Variants in ADCY10 observed in about 807,000 individuals in gnomAD.
The protein encoded by ADCY10 is adenylate cyclase type 10.
In ADCY10, 156 loss-of-function variants were observed where a neutral mutation model predicts 183.3. That is an observed-to-expected ratio of 0.85 (90% CI 0.75 to 0.97). The LOEUF (loss-of-function observed/expected upper bound fraction) is 0.97. Among genes scored for constraint, ADCY10 ranks in the 50% least tolerant of loss-of-function variants. The pLI, the probability that ADCY10 is intolerant of heterozygous loss-of-function variation, is 0.00. For synonymous variants in ADCY10, 645 were observed against 670.0 expected (o/e 0.96, Z 0.58); for missense variants, 1,745 against 1,934.3 (o/e 0.90, Z 1.84).
chr1:167,904,153 T>C (rs2102440620), intron 2 of ADCY10, among the ~76,000 whole-genome samples, 162 bp from the exon 3 acceptor site: 1 of 149,104 alleles, frequency 6.7e-6, no homozygotes, highest in East Asian at 2.0e-4. Context: ...AATGGTGTGA[T>C]CTCAGCTCAC....
chr1:167,882,508 C>T (rs1254812011), intron 9 of ADCY10, among the ~76,000 whole-genome samples: 2 of 127,918 alleles, frequency 1.6e-5, no homozygotes, highest in Non-Finnish European at 3.4e-5. Context: ...AAAAAAAGAA[C>T]AGAGCGAAAA....
intron 13 of ADCY10, 82 bp from the exon 14 acceptor site, chr1:167,870,492 C>T: frequency 7.8e-7 from 1 of 1,274,666 alleles, no homozygotes; most frequent in Non-Finnish European, 1.1e-6. Flanking sequence ...TAGAAACCCT[C>T]CTTCTAAAAA....
At chr1:167,904,343 C>T (rs1669672851) in intron 2 of ADCY10, among the ~76,000 whole-genome samples, 2 of 152,102 alleles carry the variant, frequency 1.3e-5, no homozygotes, top group Admixed American at 6.6e-5. Flanking sequence ...TCCTCGGCCT[C>T]CAAAAGTGTT....
rs548840962 is a variant in ADCY10 at position 167,809,583 on chromosome 1, A to T, written c.*95T>A. 7 of 1,304,056 alleles carry T rather than the reference A, an allele frequency of 5.4e-6. No homozygotes were observed. Among genetic ancestry groups the T allele is most frequent in the Non-Finnish European group, 7.8e-6 (7 of 901,656 alleles). 80.8% of individuals were successfully genotyped at this position (1,304,056 alleles called of 1,614,324 possible). ...TTCTGTGTCTGGAACAGAAGAGATTATGTAGGAACCTGGAGTGGGCCAGCC... is the reference window on the plus strand; with the variant it reads ...TTCTGTGTCTGGAACAGAAGAGATTTTGTAGGAACCTGGAGTGGGCCAGCC... On this transcript the variant is annotated 3_prime_UTR_variant, in exon 33 of 33. Transcript: ENST00000367851.
intron 17 of ADCY10, among the ~76,000 whole-genome samples, chr1:167,855,294 T>C (rs1571313920): frequency 2.6e-5 from 4 of 152,066 alleles, no homozygotes; most frequent in South Asian, 4.1e-4. Context: ...CACTCCAGCC[T>C]GGGCAATGAG....
Position 167,899,984 on chromosome 1 carries a change from G to A in ADCY10, c.437-356C>T, listed in dbSNP as rs933818885. On this transcript the variant is annotated intron_variant, in intron 5 of 32. Coordinates refer to ENST00000367851, the MANE Select transcript of ADCY10 (RefSeq NM_018417.6). The stretch of plus-strand genomic sequence containing the variant: ...TTATTTTGGGAGAATTTGCATTTTA[G>A]CAGAGATTGAAGCTGTAACTAAAAA... Among the ~76,000 whole-genome samples, 4 of 152,264 alleles carry A rather than the reference G, an allele frequency of 2.6e-5. No individual in the cohort carries two copies. The South Asian group carries it at 8.3e-4, about 32-fold the overall frequency.
chr1:167,873,074 GA>G (rs569005656), intron 13 of ADCY10, among the ~76,000 whole-genome samples: 6 of 145,824 alleles, frequency 4.1e-5, no homozygotes, highest in Non-Finnish European at 6.1e-5. Flanking sequence ...TGTCTCAAAA[GA>G]AAAAAAAAAG....
At chr1:167,832,485 C>T (rs375887117) in intron 25 of ADCY10, among the ~76,000 whole-genome samples, 3 of 152,038 alleles carry the variant, frequency 2.0e-5, no homozygotes, top group East Asian at 3.9e-4. Flanking sequence ...CAATTTTGAC[C>T]AACGGATACC....
At chr1:167,883,945 TA>T (rs1197729183) in intron 8 of ADCY10, among the ~76,000 whole-genome samples, 1 of 152,188 alleles carries the variant, frequency 6.6e-6, no homozygotes, top group African/African-American at 2.4e-5. Context: ...CTCCTATTTT[TA>T]AAAAAATTTA....
Position 167,809,765 on chromosome 1 carries a change from T to C in ADCY10, c.4746A>G (p.Glu1582=). ...TGTTTACCCTGCCTGCTACAATTTTTTCCCATGATGGGAGACTCAAGATCG... is the reference window on the plus strand; with the variant it reads ...TGTTTACCCTGCCTGCTACAATTTTCTCCCATGATGGGAGACTCAAGATCG... ...LQTILSLPSW[E]KIVAGRVNIQ... is the part of the protein sequence containing the mutation. The change falls in exon 33 of 33, where the codon GAA becomes GAG. Residue 1582 remains glutamate, a synonymous_variant. Coordinates refer to ENST00000367851, the MANE Select transcript of ADCY10 (RefSeq NM_018417.6). 6.2e-7 allele frequency: 1 copy of C among 1,614,208 alleles called. No homozygotes were observed. Among genetic ancestry groups the C allele is most frequent in the Non-Finnish European group, 8.5e-7 (1 of 1,180,014 alleles).
At chr1:167,828,315 T>C (rs181085764) in intron 26 of ADCY10, among the ~76,000 whole-genome samples, 13 of 152,364 alleles carry the variant, frequency 8.5e-5, no homozygotes, top group Admixed American at 4.6e-4. Context: ...CTAATTTTGA[T>C]TGAGTCAACT....
chr1:167,853,552 T>G (rs2102008125), intron 18 of ADCY10, among the ~76,000 whole-genome samples: 1 of 152,306 alleles, frequency 6.6e-6, no homozygotes, highest in East Asian at 1.9e-4. Context: ...TATCTAGCCT[T>G]AATTCTCTGC....
intron 23 of ADCY10, 57 bp downstream of exon 23, chr1:167,836,252 C>T: frequency 4.2e-6 from 5 of 1,194,500 alleles, no homozygotes; most frequent in Non-Finnish European, 6.2e-6. Flanking sequence ...TTCCTTCTGG[C>T]TCTATGTTCT....
Position 167,856,389 on chromosome 1 carries a change from C to T in ADCY10, c.1947G>A (p.Val649=), listed in dbSNP as rs779499201. 5 of 1,614,140 alleles carry T rather than the reference C, an allele frequency of 3.1e-6. No homozygotes were observed. In the East Asian group the frequency reaches 6.7e-5, roughly 22 times the overall value. The change falls in exon 17 of 33, where the codon GTG becomes GTA. Residue 649 remains valine (V), a synonymous_variant. Transcript: ENST00000367851. Reference sequence around the variant, plus strand: ...CCATAAATCTCCAGGAGGTCGAATCCACAAACTGGGCCTCATCAATGATAA... The same window carrying T: ...CCATAAATCTCCAGGAGGTCGAATCTACAAACTGGGCCTCATCAATGATAA... ...IIFIIDEAQF[V]DSTSWRFMEK...
At chr1:167,836,276 A>C (rs769965174) in intron 23 of ADCY10, 33 bp downstream of exon 23, 5 of 1,405,184 alleles carry the variant, frequency 3.6e-6, no homozygotes, top group Non-Finnish European at 5.0e-6. Flanking sequence ...AATTGTCTCT[A>C]GGGTGGAGGT....
Position 167,833,092 on chromosome 1 carries a change from C to G in ADCY10, c.3488G>C (p.Arg1163Pro). ...GGAGATTAAGTTGTAAGGAAAGATTCGGTTGAGGAGCTTCAGTGCCTTCCT... is the reference window on the plus strand; with the variant it reads ...GGAGATTAAGTTGTAAGGAAAGATTGGGTTGAGGAGCTTCAGTGCCTTCCT... ...MLRKALKLLNRIFPYNLISLF... is the reference protein window; with the variant it reads ...MLRKALKLLNPIFPYNLISLF... The change falls in exon 25 of 33, where the codon CGA becomes CCA. Residue 1163 changes from arginine (R) to proline (P), a missense_variant. By Grantham distance (103) the Arg-to-Pro change is moderately radical (BLOSUM62 -2). Coordinates refer to ENST00000367851, the MANE Select transcript of ADCY10 (RefSeq NM_018417.6). 1 of 1,614,060 alleles carries G rather than the reference C, an allele frequency of 6.2e-7. No individual in the cohort carries two copies. The highest frequency in any genetic ancestry group is 8.5e-7 in the Non-Finnish European group (1 of 1,180,022).
chr1:167,816,127 G>A (rs1192846018), intron 31 of ADCY10, among the ~76,000 whole-genome samples: 1 of 152,036 alleles, frequency 6.6e-6, no homozygotes, highest in Non-Finnish European at 1.5e-5. Flanking sequence ...AGACTGAAAT[G>A]TTTTCCAAAT....
At chr1:167,871,769 A>G (rs959298207) in intron 13 of ADCY10, among the ~76,000 whole-genome samples, 4 of 152,042 alleles carry the variant, frequency 2.6e-5, no homozygotes, top group African/African-American at 9.7e-5. Flanking sequence ...TACATTTCTG[A>G]GTATGGCTTA....
intron 3 of ADCY10, 111 bp from the exon 4 acceptor site, chr1:167,902,165 G>A (rs1244548779): frequency 1.9e-6 from 2 of 1,075,928 alleles, no homozygotes; most frequent in Non-Finnish European, 2.8e-6. Context: ...GTGATTCAGA[G>A]AATAGGCTTA....
Sources: allele counts gnomAD v4.1 joint callset (sites outside exome capture counted in the v4.1 genomes callset), GRCh38; gene constraint gnomAD v4.1.1; transcripts MANE v1.5; gene names NCBI Gene and HGNC (gene_info 2026-07-23, HGNC 2026-07-21).